Variants in CELF4 observed in about 807,000 individuals in gnomAD.
CELF4 encodes CUGBP Elav-like family member 4.
CELF4 carries 18 observed loss-of-function variants against 59.9 expected under a neutral mutation model. The observed-to-expected ratio is 0.30, with a 90% CI of 0.21 to 0.45. CELF4 has a LOEUF of 0.45. CELF4 is among the 20% of genes least tolerant of loss of function. The probability of loss-of-function intolerance (pLI) is 1.00; values close to 1 mark genes in which losing one functional copy is unlikely to be tolerated. For missense variants in CELF4, 456 were observed against 689.0 expected (o/e 0.66, Z 3.79); for synonymous variants, 261 against 267.1 (o/e 0.98, Z 0.22).
intron 2 of CELF4, among the ~76,000 whole-genome samples, chr18:37,436,265 ACTCG>A (rs2099691996): frequency 6.6e-6 from 1 of 152,120 alleles, no homozygotes; most frequent in African/African-American, 2.4e-5. Flanking sequence ...GTAACCACGA[ACTCG>A]GGAGCAGTTC....
intron 3 of CELF4, among the ~76,000 whole-genome samples, chr18:37,282,326 C>T (rs2094245187): frequency 1.3e-5 from 2 of 152,068 alleles, no homozygotes; most frequent in Admixed American, 6.5e-5. Context: ...GAGATGCTCT[C>T]CAGCCTCCAC....
At position 37,267,489 on chromosome 18, in the gene CELF4, G is replaced by A. The variant is rs574604051; in HGVS notation, c.1100-891C>T. Among the ~76,000 whole-genome samples, 4 of 152,340 alleles carry A rather than the reference G, an allele frequency of 2.6e-5. No homozygotes were observed. The South Asian group carries it at 8.3e-4, about 32-fold the overall frequency. On this transcript the variant is annotated intron_variant, in intron 8 of 12. Transcript: ENST00000420428. ...CTGGTGGTGACTAATGTGGGAGTGG[G>A]CTGGCTTTGGAAGCCCAGAGAGGTG... is the stretch of plus-strand genomic sequence containing the variant.
intron 3 of CELF4, among the ~76,000 whole-genome samples, chr18:37,312,564 A>T (rs72883682): frequency 0.066 from 10,092 of 152,270 alleles, 444 homozygotes; most frequent in Middle Eastern, 0.13. Context: ...AAACATGCCC[A>T]CCTATAGCTT....
chr18:37,266,005 C>G (rs367922106), intron 9 of CELF4, among the ~76,000 whole-genome samples: 185 of 152,268 alleles, frequency 1.2e-3, no homozygotes, highest in African/African-American at 4.2e-3. Flanking sequence ...TCCCTTCCCA[C>G]CTCTCCTCCT....
intron 1 of CELF4, among the ~76,000 whole-genome samples, chr18:37,491,930 T>C (rs2099907004): frequency 6.6e-6 from 1 of 152,094 alleles, no homozygotes; most frequent in Non-Finnish European, 1.5e-5. Context: ...AAGGCCCTTG[T>C]CATTGTGAAG....
intron 3 of CELF4, among the ~76,000 whole-genome samples, chr18:37,282,014 ATCCTAG>A (rs2094203205): frequency 6.6e-6 from 1 of 152,198 alleles, no homozygotes; most frequent in South Asian, 2.1e-4. Context: ...TGTTTGTCAA[ATCCTAG>A]TTCCACCACA....
At chr18:37,337,273 C>T (rs996597826) in intron 2 of CELF4, among the ~76,000 whole-genome samples, 2 of 152,132 alleles carry the variant, frequency 1.3e-5, no homozygotes, top group Non-Finnish European at 2.9e-5. Context: ...CTGGCGAGAC[C>T]CACTGCCTCC....
chr18:37,422,983 A>T (rs1039284327), intron 2 of CELF4, among the ~76,000 whole-genome samples: 19 of 151,664 alleles, frequency 1.3e-4, no homozygotes, highest in Admixed American at 9.2e-4. Flanking sequence ...CTGCTTCTTC[A>T]TGGGGCTGGG....
intron 2 of CELF4, among the ~76,000 whole-genome samples, chr18:37,399,898 G>A (rs941902607): frequency 1.3e-5 from 2 of 152,120 alleles, no homozygotes; most frequent in African/African-American, 4.8e-5. Flanking sequence ...TTGATGTTTC[G>A]CTTCTCACCC....
intron 1 of CELF4, among the ~76,000 whole-genome samples, chr18:37,498,770 G>A (rs2099928130): frequency 6.6e-6 from 1 of 152,066 alleles, no homozygotes; most frequent in South Asian, 2.1e-4. Context: ...CCGGGAGAGG[G>A]TTGCACCTGG....
chr18:37,273,319 C>T, intron 6 of CELF4, 156 bp from the exon 7 acceptor site: 1 of 1,430,202 alleles, frequency 7.0e-7, no homozygotes, highest in Non-Finnish European at 9.2e-7. Context: ...CCATTCTTGC[C>T]CTGTACCTCA....
intron 7 of CELF4, among the ~76,000 whole-genome samples, chr18:37,271,884 T>C (rs920262500): frequency 6.6e-6 from 1 of 152,172 alleles, no homozygotes; most frequent in Non-Finnish European, 1.5e-5. Flanking sequence ...GAGATGTGGA[T>C]ATTATGGTGA....
chr18:37,300,228 CTT>C (rs397963393), intron 3 of CELF4, among the ~76,000 whole-genome samples: 4 of 144,928 alleles, frequency 2.8e-5, no homozygotes, highest in Non-Finnish European at 1.5e-5. Context: ...TGCTCCAGCA[CTT>C]TTTTTTTTTT....
At chr18:37,351,837 C>G (rs915669307) in intron 2 of CELF4, among the ~76,000 whole-genome samples, 1 of 152,088 alleles carries the variant, frequency 6.6e-6, no homozygotes, top group African/African-American at 2.4e-5. Flanking sequence ...TGGTCTCATA[C>G]TCCTGGGGCC....
At chr18:37,335,312 T>C (rs1275430183) in intron 2 of CELF4, among the ~76,000 whole-genome samples, 17 of 151,746 alleles carry the variant, frequency 1.1e-4, no homozygotes, top group Admixed American at 1.1e-3. Context: ...TGGGTGTGAA[T>C]GTGTGTGCGT....
rs576306582 is a variant in CELF4, at chr18:37,392,335, A to G, written c.370-70454T>C. Among the ~76,000 whole-genome samples, 37 of 152,310 alleles carry G rather than the reference A, an allele frequency of 2.4e-4. 2 individuals carry two copies. In the South Asian group the frequency reaches 7.7e-3, roughly 32 times the overall value. On this transcript the variant is annotated intron_variant, in intron 2 of 12. Coordinates refer to ENST00000420428, the MANE Select transcript of CELF4 (RefSeq NM_020180.4). ...CGTTGCTCTGTGCTTGCACTGGGCCATCTGTTTTGCATAAGGGGCAACCCC... is the reference window on the plus strand; with the variant it reads ...CGTTGCTCTGTGCTTGCACTGGGCCGTCTGTTTTGCATAAGGGGCAACCCC...
chr18:37,386,547 T>C (rs2099101608), intron 2 of CELF4, among the ~76,000 whole-genome samples: 1 of 152,196 alleles, frequency 6.6e-6, no homozygotes, highest in East Asian at 1.9e-4. Context: ...ATGGTGCCAT[T>C]AACTGAGAGT....
At chr18:37,513,227 A>G (rs1255074338) in intron 1 of CELF4, among the ~76,000 whole-genome samples, 1 of 151,182 alleles carries the variant, frequency 6.6e-6, no homozygotes, top group Admixed American at 6.6e-5. Flanking sequence ...TCCAAGGAAA[A>G]CTCTGTGGTA....
intron 3 of CELF4, among the ~76,000 whole-genome samples, chr18:37,279,498 G>C (rs191091395): frequency 9.2e-5 from 14 of 152,332 alleles, no homozygotes; most frequent in Admixed American, 2.6e-4. Flanking sequence ...GGTTCCTCCT[G>C]GTCAAGGGGC....
Sources: gnomAD v4.1 joint callset for allele counts (sites outside exome capture counted in the v4.1 genomes callset) on GRCh38, gnomAD v4.1.1 for gene constraint, MANE v1.5 for transcripts, NCBI Gene and HGNC (gene_info 2026-07-23, HGNC 2026-07-21) for gene names.